The following PRR33 variants were observed in gnomAD, a reference collection of about 807,000 sequenced individuals.
PRR33 encodes the protein proline rich 33.
Under a neutral mutation model 0.5 loss-of-function variants are expected in PRR33, and 1 was observed. That is an observed-to-expected ratio of 2.18 (90% CI 0.77 to 10.34). The LOEUF (loss-of-function observed/expected upper bound fraction) is 10.34. PRR33 is among the 30% of genes most tolerant of loss of function. The probability of loss-of-function intolerance (pLI) is 0.13; values close to 1 mark genes in which losing one functional copy is unlikely to be tolerated. For synonymous variants in PRR33, 226 were observed against 110.0 expected (o/e 2.06, Z -6.60); for missense variants, 552 against 251.8 (o/e 2.19, Z -8.07).
At chr11:1,890,771 TG>T in exon 1 of PRR33, 1 of 596,846 alleles carries the variant, frequency 1.7e-6, no homozygotes, top group Non-Finnish European at 3.0e-6. Context: ...TTGGGGACTT[TG>T]GGGTGGCCCC....
chr11:1,889,957 C>T (rs1376840314), exon 1 of PRR33: 1 of 631,408 alleles, frequency 1.6e-6, no homozygotes. Flanking sequence ...GTGGCATCTC[C>T]ATCCTGGCTG....
chr11:1,892,351 C>T (rs1331740636), upstream of PRR33: 1 of 152,310 alleles, frequency 6.6e-6, no homozygotes, highest in Non-Finnish European at 1.5e-5. Flanking sequence ...CCACACTGCA[C>T]AGCATGCTGT....
At chr11:1,903,285 T>C in the PRR33 span, 1 of 149,186 alleles carries the variant, frequency 6.7e-6, no homozygotes, top group East Asian at 2.1e-4. Context: ...GGCTAATTTT[T>C]TTTTTTCCGT....
chr11:1,913,698 G>A, the PRR33 span, among the ~76,000 whole-genome samples: 991 of 152,330 alleles, frequency 6.5e-3, 5 homozygotes, highest in African/African-American at 0.012. Flanking sequence ...GGGCATTCTC[G>A]TGTCCATGGC....
At chr11:1,914,730 G>T in the PRR33 span, among the ~76,000 whole-genome samples, 1 of 150,926 alleles carries the variant, frequency 6.6e-6, no homozygotes, top group African/African-American at 2.4e-5. Flanking sequence ...TGCTCTGTGT[G>T]TGTGTTGTGG....
upstream of PRR33, among the ~76,000 whole-genome samples, chr11:1,894,130 A>ATG (rs1203359748): frequency 1.5e-4 from 6 of 39,484 alleles, no homozygotes; most frequent in African/African-American, 1.0e-4. Flanking sequence ...GTTTGTGTGT[A>ATG]TGTGTGTGTG....
chr11:1,902,278 T>C, the PRR33 span, among the ~76,000 whole-genome samples: 1 of 150,548 alleles, frequency 6.6e-6, no homozygotes. Context: ...AACCTGTGGA[T>C]AGGTGGTCCT....
the PRR33 span, among the ~76,000 whole-genome samples, chr11:1,902,483 A>G: frequency 6.6e-6 from 1 of 152,202 alleles, no homozygotes; most frequent in African/African-American, 2.4e-5. Flanking sequence ...AACCAGGCCA[A>G]AAGCTCAGCA....
chr11:1,888,966 C>T, exon 1 of PRR33: 1 of 516,450 alleles, frequency 1.9e-6, no homozygotes, highest in Non-Finnish European at 3.4e-6. Flanking sequence ...ACCTGACCAC[C>T]CTCCTAACCA....
At chr11:1,913,076 C>A in the PRR33 span, among the ~76,000 whole-genome samples, 2 of 152,034 alleles carry the variant, frequency 1.3e-5, no homozygotes, top group Non-Finnish European at 2.9e-5. Flanking sequence ...ACTTTCCCCT[C>A]TCTATTTTTT....
At chr11:1,898,079 A>G in the PRR33 span, among the ~76,000 whole-genome samples, 1 of 152,180 alleles carries the variant, frequency 6.6e-6, no homozygotes. Flanking sequence ...ATGTGCCACA[A>G]GAAGCATCGG....
the PRR33 span, among the ~76,000 whole-genome samples, chr11:1,898,362 A>T: frequency 2.0e-5 from 3 of 151,778 alleles, no homozygotes; most frequent in Admixed American, 6.6e-5. Flanking sequence ...CAGCCTCACG[A>T]TTAGTTGAGA....
chr11:1,898,145 A>G, the PRR33 span, among the ~76,000 whole-genome samples: 1 of 152,236 alleles, frequency 6.6e-6, no homozygotes, highest in Non-Finnish European at 1.5e-5. Context: ...CAAGTCTATC[A>G]TCCCACACAC....
At chr11:1,889,193 G>C in exon 1 of PRR33, 1 of 675,124 alleles carries the variant, frequency 1.5e-6, no homozygotes, top group South Asian at 1.6e-5. Flanking sequence ...TCTTGGGCTG[G>C]GGGCTCAGCT....
rs778252259 is a variant in PRR33 at position 1,890,535 on chromosome 11, A to G, written c.50T>C (p.Leu17Pro). 8.8e-5 allele frequency: 63 copies of G among 715,022 alleles called. No homozygotes were observed. The Middle Eastern group carries it at 9.2e-4, about 10-fold the overall frequency. The allele number at this position is 715,022 out of a possible 1,614,324, so 44.3% of individuals were successfully genotyped here. ...CGGTGGGGGTCCAGGGGTTCCCTGG[A>G]GGCTTGGGCCGCACACCTCGGGTGC... The change falls in exon 1 of 1, where the codon CTC becomes CCC. Residue 17 changes from leucine to proline, a missense_variant. Coordinates refer to ENST00000640310, the Ensembl canonical transcript of PRR33.
At chr11:1,912,700 G>C in the PRR33 span, among the ~76,000 whole-genome samples, 1 of 152,202 alleles carries the variant, frequency 6.6e-6, no homozygotes, top group South Asian at 2.1e-4. Flanking sequence ...CGCTTCCTGG[G>C]CTCAAGTGAT....
chr11:1,889,535 C>A lies in PRR33; in HGVS notation c.1050G>T (p.Glu350Asp). ...CTGGGCACGGAGGCTCTGGGGCCTC[C>A]TCCAGCAGCTGCTTCTTGAGCCACG... Residue 350 changes from glutamate to aspartate, a missense_variant, in exon 1 of 1, where the codon GAG becomes GAT. Transcript: ENST00000640310. 2 of 613,410 alleles carry A rather than the reference C, an allele frequency of 3.3e-6. 1 individual carries two copies. The highest frequency in any genetic ancestry group is 3.9e-5 in the South Asian group (2 of 51,470). The allele number at this position is 613,410 out of a possible 1,614,324, so 38.0% of individuals were successfully genotyped here.
the PRR33 span, among the ~76,000 whole-genome samples, chr11:1,912,681 C>A: frequency 6.6e-6 from 1 of 151,664 alleles, no homozygotes; most frequent in Admixed American, 6.6e-5. Flanking sequence ...CACGGCTCAC[C>A]GCAACCTCCG....
chr11:1,893,465 A>C (rs983866918), upstream of PRR33, among the ~76,000 whole-genome samples: 12 of 142,984 alleles, frequency 8.4e-5, no homozygotes, highest in Non-Finnish European at 1.6e-4. Context: ...GGATGGATGG[A>C]TGGGTTAGTG....
Sources: allele counts gnomAD v4.1 joint callset (sites outside exome capture counted in the v4.1 genomes callset), GRCh38; gene constraint gnomAD v4.1.1; transcripts MANE v1.5; gene names NCBI Gene and HGNC (gene_info 2026-07-23, HGNC 2026-07-21).